SLC5A9: variants seen among roughly 807,000 people sequenced by gnomAD.
SLC5A9 encodes sodium/glucose cotransporter 4.
In SLC5A9, 59 loss-of-function variants were observed where a neutral mutation model predicts 70.9. The observed-to-expected ratio is 0.83, with a 90% CI of 0.68 to 1.03. The LOEUF (loss-of-function observed/expected upper bound fraction) is 1.03, where lower values mean the gene tolerates loss of function less well. Ranked by LOEUF, SLC5A9 falls within the 50% of genes least tolerant of loss-of-function variation. The pLI is 0.00. For missense variants in SLC5A9, 832 were observed against 881.1 expected (o/e 0.94, Z 0.71); for synonymous variants, 340 against 346.5 (o/e 0.98, Z 0.21).
At position 48,247,352 on chromosome 1, in the gene SLC5A9, G is replaced by A; in HGVS notation, c.1855G>A (p.Gly619Arg). 2 of 1,613,978 alleles carry A rather than the reference G, an allele frequency of 1.2e-6. No individual in the cohort carries two copies. The highest frequency in any genetic ancestry group is 1.7e-6 in the Non-Finnish European group (2 of 1,179,980). ...CCCTCCAGCCCCAAGCAGGTCCTGG[G>A]GAAAGTTGCTCTGGAGCTGGTTCTG... Reference protein sequence around the residue: ...EQPEAPSRSWGKLLWSWFCGL... With the variant: ...EQPEAPSRSWRKLLWSWFCGL... Residue 619 changes from glycine (G) to arginine (R), a missense_variant, in exon 14 of 14, where the codon GGA (glycine) becomes AGA (arginine). By Grantham distance (125) the Gly-to-Arg change is moderately radical. Transcript: ENST00000438567.
intron 13 of SLC5A9, among the ~76,000 whole-genome samples, chr1:48,244,543 C>T (rs1464665403): frequency 1.3e-5 from 2 of 151,114 alleles, no homozygotes; most frequent in Non-Finnish European, 2.9e-5. Context: ...AGTTAAAAGC[C>T]AATAATCCAG....
intron 12 of SLC5A9, chr1:48,242,194 G>T (rs1262732232): frequency 9.8e-6 from 5 of 511,278 alleles, no homozygotes; most frequent in Non-Finnish European, 1.8e-5. Context: ...AATCCATGAG[G>T]ACAGGGCCCA....
chr1:48,233,523 C>A, intron 8 of SLC5A9, 132 bp from the exon 9 acceptor site: 2 of 690,768 alleles, frequency 2.9e-6, no homozygotes, highest in Non-Finnish European at 5.2e-6. Context: ...CCATTTGCCC[C>A]CCAACCTTGT....
At chr1:48,231,751 C>A in intron 6 of SLC5A9, 126 bp downstream of exon 6, 2 of 1,513,510 alleles carry the variant, frequency 1.3e-6, no homozygotes, top group East Asian at 2.4e-5. Context: ...GTCCCCTCTC[C>A]AGGCTGCAGC....
rs747368599 is a variant in SLC5A9, at chr1:48,230,705, G to A, written c.610G>A (p.Gly204Ser). ...LVVTAVYTIAGGLMAVIYTDA... is the reference protein window; with the variant it reads ...LVVTAVYTIASGLMAVIYTDA... ...GGTGACTGCCGTCTACACCATTGCA[G>A]GTAGGCAGAGGGAAGAGGGCAAGAG... Residue 204 changes from glycine to serine, a missense_variant and splice_region_variant, in exon 5 of 14, where the codon GGT (glycine) becomes AGT (serine). Gly to Ser is a moderately conservative substitution (Grantham distance 56). Coordinates refer to ENST00000438567, the MANE Select transcript of SLC5A9 (RefSeq NM_001011547.3). 6.2e-7 allele frequency: 1 copy of A among 1,610,972 alleles called. No homozygotes were observed. Among genetic ancestry groups the A allele is most frequent in the South Asian group, 1.1e-5 (1 of 90,984 alleles).
chr1:48,234,230 GC>G (rs1644296549), intron 9 of SLC5A9, among the ~76,000 whole-genome samples: 1 of 152,220 alleles, frequency 6.6e-6, no homozygotes, highest in Non-Finnish European at 1.5e-5. Context: ...GCGTGCAAAG[GC>G]CCAGGGTGAA....
Position 48,229,408 on chromosome 1 carries a change from G to A in SLC5A9, c.453G>A (p.Gln151=), listed in dbSNP as rs773763431. The change falls in exon 4 of 14, where the codon CAG becomes CAA. Residue 151 remains glutamine, a synonymous_variant. Coordinates refer to ENST00000438567, the MANE Select transcript of SLC5A9 (RefSeq NM_001011547.3). ...LKKRFGGQRI[Q]VYMSVLSLIL... ...AGCGATTTGGGGGCCAGAGGATCCA[G>A]GTGTACATGTCTGTCCTGTCTCTCA... 16 of 1,614,168 alleles carry A rather than the reference G, an allele frequency of 9.9e-6. No homozygotes were observed. The highest frequency in any genetic ancestry group is 1.3e-5 in the Non-Finnish European group (15 of 1,180,040).
At chr1:48,230,562 T>A in intron 4 of SLC5A9, 38 bp from the exon 5 acceptor site, 1 of 1,496,418 alleles carries the variant, frequency 6.7e-7, no homozygotes, top group African/African-American at 1.4e-5. Flanking sequence ...ACTGAGGGCC[T>A]CGGGTGGTCT....
At position 48,228,881 on chromosome 1, in the gene SLC5A9, G is replaced by A. The variant is rs768554187; in HGVS notation, c.266G>A (p.Gly89Asp). Residue 89 changes from glycine (G) to aspartate (D), a missense_variant, in exon 3 of 14, where the codon GGC becomes GAC. By Grantham distance (94) the Gly-to-Asp change is moderately conservative (BLOSUM62 -1). Coordinates refer to ENST00000438567, the MANE Select transcript of SLC5A9 (RefSeq NM_001011547.3). ...IGASLMSSNV[G>D]SGLFIGLAGT... is the part of the protein sequence containing the mutation. Reference sequence around the variant, plus strand: ...GCATCTCTGATGTCCAGCAATGTGGGCAGTGGCTTGTTCATCGGCCTGGCT... The same window carrying A: ...GCATCTCTGATGTCCAGCAATGTGGACAGTGGCTTGTTCATCGGCCTGGCT... 3 of 1,613,826 alleles carry A rather than the reference G, an allele frequency of 1.9e-6. No individual in the cohort carries two copies. Among genetic ancestry groups the A allele is most frequent in the Non-Finnish European group, 2.5e-6 (3 of 1,179,952 alleles).
chr1:48,233,242 T>C (rs1473041405), intron 8 of SLC5A9, among the ~76,000 whole-genome samples: 1 of 150,024 alleles, frequency 6.7e-6, no homozygotes, highest in Non-Finnish European at 1.5e-5. Context: ...ATGCCTGTAA[T>C]CCCAGCTATT....
Position 48,235,842 on chromosome 1 carries a change from A to C in SLC5A9, c.1255A>C (p.Arg419=). The stretch of plus-strand genomic sequence containing the variant: ...CATTGATGTGTGGCAGCGCTTCCGC[A>C]GGAAGTCAACAGAGCAGGAGCTGAT... ...FTIDVWQRFR[R]KSTEQELMVV... is the part of the protein sequence containing the mutation. The change falls in exon 10 of 14, where the codon AGG becomes CGG. Residue 419 remains arginine (R), a synonymous_variant. Coordinates refer to ENST00000438567, the MANE Select transcript of SLC5A9 (RefSeq NM_001011547.3). The C allele has an allele frequency of 6.2e-7, 1 of 1,614,208 alleles. No individual in the cohort carries two copies. The highest frequency in any genetic ancestry group is 8.5e-7 in the Non-Finnish European group (1 of 1,180,034).
chr1:48,241,730 C>A (rs1644393118), intron 12 of SLC5A9, among the ~76,000 whole-genome samples: 1 of 149,058 alleles, frequency 6.7e-6, no homozygotes, highest in African/African-American at 2.5e-5. Flanking sequence ...CTCTCTCTTT[C>A]TCTATCTCTT....
At chr1:48,225,658 ACACT>A (rs1408794475) in intron 2 of SLC5A9, among the ~76,000 whole-genome samples, 4 of 151,970 alleles carry the variant, frequency 2.6e-5, no homozygotes, top group African/African-American at 9.7e-5. Flanking sequence ...CTGACACACA[ACACT>A]CACACTCACA....
At position 48,232,411 on chromosome 1, in the gene SLC5A9, C is replaced by T. The variant is rs1644262714; in HGVS notation, c.942C>T (p.Ala314=). ...RSLSAKSLSH[A]KGGSVLGGYL... is the part of the protein sequence containing the mutation. ...TCTCGGCCAAGAGTCTGTCTCATGCCAAGGGAGGCTCCGTGCTGGGGGGCT... is the reference window on the plus strand; with the variant it reads ...TCTCGGCCAAGAGTCTGTCTCATGCTAAGGGAGGCTCCGTGCTGGGGGGCT... The change falls in exon 8 of 14, where the codon GCC becomes GCT. Residue 314 remains alanine, a synonymous_variant. Coordinates refer to ENST00000438567, the MANE Select transcript of SLC5A9 (RefSeq NM_001011547.3). The T allele has an allele frequency of 6.2e-7, 1 of 1,614,020 alleles. No homozygotes were observed. Among genetic ancestry groups the T allele is most frequent in the Admixed American group, 1.7e-5 (1 of 60,000 alleles).
rs1644264027 is a variant in SLC5A9 at position 48,232,477 on chromosome 1, C to T, written c.1008C>T (p.Gly336=). 1 of 1,614,088 alleles carries T rather than the reference C, an allele frequency of 6.2e-7. No individual in the cohort carries two copies. Among genetic ancestry groups the T allele is most frequent in the Non-Finnish European group, 8.5e-7 (1 of 1,180,044 alleles). Residue 336 remains glycine, a synonymous_variant, in exon 8 of 14, where the codon GGC becomes GGT. Coordinates refer to ENST00000438567, the MANE Select transcript of SLC5A9 (RefSeq NM_001011547.3). ...CCATGTTCTTCATCGTCATGCCTGGCATGATCAGCCGGGCCCTGTTCCCAG... is the reference window on the plus strand; with the variant it reads ...CCATGTTCTTCATCGTCATGCCTGGTATGATCAGCCGGGCCCTGTTCCCAG... ...ILPMFFIVMP[G]MISRALFPDE...
intron 4 of SLC5A9, among the ~76,000 whole-genome samples, chr1:48,230,270 CTCT>C (rs1167352985): frequency 1.3e-5 from 2 of 152,224 alleles, no homozygotes; most frequent in Admixed American, 1.3e-4. Flanking sequence ...CCTAAATGAG[CTCT>C]TCTTCTCCAG....
At chr1:48,229,210 A>C in intron 3 of SLC5A9, 85 bp from the exon 4 acceptor site, 1 of 1,613,964 alleles carries the variant, frequency 6.2e-7, no homozygotes. Context: ...GGCCTCCCAC[A>C]GCACAGCACT....
chr1:48,240,376 A>G (rs1644377711), intron 12 of SLC5A9: 1 of 152,194 alleles, frequency 6.6e-6, no homozygotes, highest in African/African-American at 2.4e-5. Context: ...ATCTCCAAAT[A>G]TAGTCACATT....
At position 48,232,150 on chromosome 1, in the gene SLC5A9, A is replaced by C; in HGVS notation, c.896A>C (p.Gln299Pro). 2 of 1,608,854 alleles carry C rather than the reference A, an allele frequency of 1.2e-6. No individual in the cohort carries two copies. ...VLATWCWCTD[Q>P]VIVQRSLSAK... Reference sequence around the variant, plus strand: ...GCCACCTGGTGTTGGTGCACAGACCAGGTAATCCCCCAGCCAGGCTTAGCC... The same window carrying C: ...GCCACCTGGTGTTGGTGCACAGACCCGGTAATCCCCCAGCCAGGCTTAGCC... Residue 299 changes from glutamine to proline, a missense_variant and splice_region_variant, in exon 7 of 14, where the codon CAG becomes CCG. Physicochemically the swap from Gln to Pro is moderately conservative, Grantham distance 76. Coordinates refer to ENST00000438567, the MANE Select transcript of SLC5A9 (RefSeq NM_001011547.3).
Sources: gnomAD v4.1 joint callset for allele counts (sites outside exome capture counted in the v4.1 genomes callset) on GRCh38, gnomAD v4.1.1 for gene constraint, MANE v1.5 for transcripts, NCBI Gene and HGNC (gene_info 2026-07-23, HGNC 2026-07-21) for gene names.